The following GLIS3 variants were observed in gnomAD, a reference collection of about 807,000 sequenced individuals.
GLIS3 encodes zinc finger protein GLIS3.
A neutral mutation model predicts 78.6 loss-of-function variants in GLIS3; 53 were observed. The observed-to-expected ratio is 0.67, with a 90% confidence interval of 0.54 to 0.85. The LOEUF is 0.85. Among genes scored for constraint, GLIS3 ranks in the 40% least tolerant of loss-of-function variants. GLIS3 has a pLI of 0.00. For synonymous variants in GLIS3, 684 were observed against 509.9 expected (o/e 1.34, Z -4.60); for missense variants, 1,703 against 1,231.1 (o/e 1.38, Z -5.74).
Position 4,294,824 on chromosome 9 carries a change from T to A in GLIS3, c.-99+4597A>T, listed in dbSNP as rs548543674. On this transcript the variant is annotated intron_variant, in intron 1 of 10. Coordinates refer to ENST00000381971, the MANE Select transcript of GLIS3 (RefSeq NM_001042413.2). Reference sequence around the variant, plus strand: ...ATCATATAGTTATGCTACATCTATATATTCACATACATTTATTCTATTTAT... The same window carrying A: ...ATCATATAGTTATGCTACATCTATAAATTCACATACATTTATTCTATTTAT... Among the ~76,000 whole-genome samples the A allele has an allele frequency of 7.9e-5, 12 of 152,338 alleles. No individual in the cohort carries two copies. The South Asian group carries it at 2.5e-3, about 32-fold the overall frequency.
Position 3,877,199 on chromosome 9 carries a change from C to T in GLIS3, c.2297+2228G>A, listed in dbSNP as rs550202314. Among the ~76,000 whole-genome samples the T allele has an allele frequency of 1.4e-4, 22 of 152,090 alleles. No homozygotes were observed. In the South Asian group the frequency reaches 2.1e-3, roughly 14 times the overall value. ...GAATGAAATGTGATGATGAAAAGTC[C>T]GTGGCTAATATCATTTAGAACCAAA... On this transcript the variant is annotated intron_variant, in intron 8 of 10. Transcript: ENST00000381971.
At chr9:4,241,729 C>A (rs1231957991) in intron 2 of GLIS3, among the ~76,000 whole-genome samples, 1 of 152,232 alleles carries the variant, frequency 6.6e-6, no homozygotes, top group East Asian at 1.9e-4. Flanking sequence ...AATGTCCAGG[C>A]TGGAATGCAG....
At chr9:4,271,970 T>C (rs4741933) in intron 2 of GLIS3, among the ~76,000 whole-genome samples, 92,782 of 151,896 alleles carry the variant, frequency 0.61, 28,646 homozygotes, top group East Asian at 0.74. Flanking sequence ...ATGCAGGGGA[T>C]CCATAAAATT....
intron 8 of GLIS3, among the ~76,000 whole-genome samples, chr9:3,865,044 C>T (rs1304764204): frequency 1.3e-5 from 2 of 152,148 alleles, no homozygotes; most frequent in Non-Finnish European, 2.9e-5. Flanking sequence ...TATATTTGCA[C>T]AGCTTCTGGC....
chr9:4,480,663 T>C, the GLIS3 span, among the ~76,000 whole-genome samples: 1 of 152,120 alleles, frequency 6.6e-6, no homozygotes, highest in South Asian at 2.1e-4. Flanking sequence ...TACGAACGCC[T>C]TGGCCTACCG....
rs1015315928 is a variant in GLIS3 at position 3,936,916 on chromosome 9, G to A, written c.1872+112C>T. ...AGGCTCCACTGCTGCCCTTGGCATTGTCCCTGTAACCTGCAGACCATAAAG... is the reference window on the plus strand; with the variant it reads ...AGGCTCCACTGCTGCCCTTGGCATTATCCCTGTAACCTGCAGACCATAAAG... On this transcript the variant is annotated intron_variant, in intron 5 of 10. Transcript: ENST00000381971. The A allele has an allele frequency of 2.1e-6, 3 of 1,433,942 alleles. No individual in the cohort carries two copies. In the African/African-American group the frequency reaches 4.2e-5, roughly 20 times the overall value. The allele number at this position is 1,433,942 out of a possible 1,614,324, so 88.8% of individuals were successfully genotyped here.
chr9:4,205,807 A>T (rs959722054), intron 2 of GLIS3, among the ~76,000 whole-genome samples: 1 of 152,278 alleles, frequency 6.6e-6, no homozygotes, highest in African/African-American at 2.4e-5. Context: ...AGAGAGGTTC[A>T]GCAGTGACCT....
chr9:3,995,633 C>T (rs1820682747), intron 4 of GLIS3, among the ~76,000 whole-genome samples: 2 of 151,944 alleles, frequency 1.3e-5, no homozygotes, highest in Non-Finnish European at 2.9e-5. Flanking sequence ...ATAAAATCTA[C>T]TTCTAAAAAT....
At chr9:4,127,373 C>G (rs1018692947) in intron 2 of GLIS3, among the ~76,000 whole-genome samples, 4 of 152,184 alleles carry the variant, frequency 2.6e-5, no homozygotes, top group Admixed American at 6.5e-5. Flanking sequence ...AAAGAAATTT[C>G]TCTGATTTTC....
chr9:4,427,046 A>T, the GLIS3 span, among the ~76,000 whole-genome samples: 1 of 152,252 alleles, frequency 6.6e-6, no homozygotes, highest in East Asian at 1.9e-4. Context: ...TTTTGCACAT[A>T]GTAAATAATC....
At chr9:3,846,661 A>G (rs1438150436) in intron 9 of GLIS3, among the ~76,000 whole-genome samples, 3 of 152,164 alleles carry the variant, frequency 2.0e-5, no homozygotes, top group African/African-American at 7.2e-5. Context: ...ACTGGTATCT[A>G]TGGGCACTGT....
intron 4 of GLIS3, among the ~76,000 whole-genome samples, chr9:3,959,404 G>A (rs1817385493): frequency 6.6e-6 from 1 of 152,108 alleles, no homozygotes. Context: ...TGATATTTTT[G>A]GTATAGCAGC....
At chr9:4,279,978 G>A (rs978958346) in intron 2 of GLIS3, among the ~76,000 whole-genome samples, 37 of 151,712 alleles carry the variant, frequency 2.4e-4, no homozygotes, top group African/African-American at 9.0e-4. Context: ...AATGTAAGTA[G>A]AATGAAATAA....
chr9:4,367,219 C>A, the GLIS3 span, among the ~76,000 whole-genome samples: 1 of 152,220 alleles, frequency 6.6e-6, no homozygotes, highest in Non-Finnish European at 1.5e-5. Flanking sequence ...TGCCCACTCT[C>A]CAGCTTCATC....
At chr9:3,865,632 C>T (rs1249871255) in intron 8 of GLIS3, among the ~76,000 whole-genome samples, 6 of 152,190 alleles carry the variant, frequency 3.9e-5, no homozygotes. Flanking sequence ...AAGAGAAATG[C>T]TATTTCACTT....
chr9:3,952,896 A>AGCAAGGTCCTGGG (rs1563885366), intron 4 of GLIS3, among the ~76,000 whole-genome samples: 1 of 152,198 alleles, frequency 6.6e-6, no homozygotes, highest in East Asian at 1.9e-4. Flanking sequence ...CACTTCGTTT[A>AGCAAGGTCCTGGG]GCAAGGTCCT....
intron 4 of GLIS3, among the ~76,000 whole-genome samples, chr9:4,105,320 C>A (rs1032487550): frequency 1.3e-5 from 2 of 152,152 alleles, no homozygotes; most frequent in Non-Finnish European, 2.9e-5. Context: ...AAGTGAGAAT[C>A]CAACTTCATA....
intron 2 of GLIS3, among the ~76,000 whole-genome samples, chr9:4,317,363 G>T (rs1351095973): frequency 6.6e-6 from 1 of 152,138 alleles, no homozygotes; most frequent in East Asian, 1.9e-4. Context: ...TAAAGATTCC[G>T]ATTTAATCAC....
chr9:4,275,732 T>C (rs1313579668), intron 2 of GLIS3, among the ~76,000 whole-genome samples: 1 of 152,078 alleles, frequency 6.6e-6, no homozygotes, highest in Non-Finnish European at 1.5e-5. Flanking sequence ...TACTGCACTC[T>C]GGCCTGGGGG....
Sources: gnomAD v4.1 joint callset for allele counts (sites outside exome capture counted in the v4.1 genomes callset) on GRCh38, gnomAD v4.1.1 for gene constraint, MANE v1.5 for transcripts, NCBI Gene and HGNC (gene_info 2026-07-23, HGNC 2026-07-21) for gene names.